The following BMPR1B variants were observed in gnomAD, a reference collection of about 807,000 sequenced individuals.
BMPR1B encodes bone morphogenetic protein receptor type 1B.
In BMPR1B, 12 loss-of-function variants were observed where a neutral mutation model predicts 59.1. That is an observed-to-expected ratio of 0.20 (90% CI 0.13 to 0.33). BMPR1B has a LOEUF of 0.33. BMPR1B is among the 10% of genes least tolerant of loss of function. BMPR1B has a pLI of 1.00. For missense variants in BMPR1B, 550 were observed against 610.9 expected (o/e 0.90, Z 1.05); for synonymous variants, 237 against 207.3 (o/e 1.14, Z -1.23).
chr4:94,887,704 A>C (rs1485968136), intron 2 of BMPR1B, among the ~76,000 whole-genome samples: 2 of 152,036 alleles, frequency 1.3e-5, no homozygotes, highest in Non-Finnish European at 2.9e-5. Context: ...GACCAAGAGG[A>C]TACAAATGAC....
At chr4:95,141,495 C>T (rs780411578) in intron 10 of BMPR1B, among the ~76,000 whole-genome samples, 6 of 152,154 alleles carry the variant, frequency 3.9e-5, no homozygotes, top group Non-Finnish European at 5.9e-5. Context: ...GAGAGATTTC[C>T]TGCTCATATA....
intron 2 of BMPR1B, among the ~76,000 whole-genome samples, chr4:94,943,402 G>T (rs1021258323): frequency 2.6e-5 from 4 of 152,144 alleles, no homozygotes. Context: ...GGGATTACAG[G>T]CGTGAGCCAC....
Position 94,789,823 on chromosome 4 carries a change from C to T in BMPR1B, c.-183+31755C>T, listed in dbSNP as rs1386603337. On this transcript the variant is annotated intron_variant, in intron 1 of 12. Transcript: ENST00000515059. ...GCTTATAAAAAATATACATTTGACC[C>T]TGGAACAACATGAGTTTAAACTGGA... Among the ~76,000 whole-genome samples, 10 of 151,950 alleles carry T rather than the reference C, an allele frequency of 6.6e-5. No individual in the cohort carries two copies. The East Asian group carries it at 1.5e-3, about 23-fold the overall frequency.
At chr4:94,966,635 C>T (rs1730566032) in intron 2 of BMPR1B, among the ~76,000 whole-genome samples, 1 of 152,176 alleles carries the variant, frequency 6.6e-6, no homozygotes, top group Non-Finnish European at 1.5e-5. Flanking sequence ...ATACTCAACT[C>T]TGTGGAAAAT....
intron 1 of BMPR1B, among the ~76,000 whole-genome samples, chr4:94,869,526 A>G (rs1233337542): frequency 6.6e-6 from 1 of 152,168 alleles, no homozygotes; most frequent in African/African-American, 2.4e-5. Flanking sequence ...TATCTTCAAT[A>G]TTCAGCTTTG....
At chr4:94,980,565 A>C (rs1731197963) in intron 2 of BMPR1B, among the ~76,000 whole-genome samples, 1 of 152,050 alleles carries the variant, frequency 6.6e-6, no homozygotes, top group South Asian at 2.1e-4. Context: ...AGATGTGTGC[A>C]TTAGGTGAAT....
intron 1 of BMPR1B, among the ~76,000 whole-genome samples, chr4:94,840,747 CCTT>C (rs1296047935): frequency 2.7e-5 from 4 of 148,380 alleles, no homozygotes; most frequent in Admixed American, 6.7e-5. Context: ...TCGTCTGAAG[CCTT>C]CTTCTCTCAA....
At chr4:94,871,136 G>T (rs767625419) in intron 1 of BMPR1B, among the ~76,000 whole-genome samples, 1 of 152,114 alleles carries the variant, frequency 6.6e-6, no homozygotes, top group Non-Finnish European at 1.5e-5. Flanking sequence ...TAAGCAGCTT[G>T]CCCGATGTCA....
intron 1 of BMPR1B, among the ~76,000 whole-genome samples, chr4:94,780,989 A>G (rs1002832803): frequency 5.9e-5 from 9 of 152,094 alleles, no homozygotes; most frequent in Middle Eastern, 3.4e-3. Context: ...CAGCCGGCCT[A>G]TTATCTGTCT....
intron 3 of BMPR1B, among the ~76,000 whole-genome samples, chr4:95,036,418 TTCA>T (rs1164254526): frequency 6.6e-6 from 1 of 152,104 alleles, no homozygotes; most frequent in Non-Finnish European, 1.5e-5. Flanking sequence ...GTCCACGAAG[TTCA>T]TCGTTTTAGT....
chr4:94,859,393 C>T (rs764379229), intron 1 of BMPR1B, among the ~76,000 whole-genome samples: 9 of 152,090 alleles, frequency 5.9e-5, no homozygotes, highest in African/African-American at 1.7e-4. Flanking sequence ...GATTACAGCA[C>T]GCAATACCCT....
chr4:95,057,516 C>A (rs1245433007), intron 3 of BMPR1B, among the ~76,000 whole-genome samples: 1 of 151,910 alleles, frequency 6.6e-6, no homozygotes, highest in Non-Finnish European at 1.5e-5. Context: ...AAGTGCTGCA[C>A]TTTTATTTTT....
intron 3 of BMPR1B, among the ~76,000 whole-genome samples, chr4:95,022,503 G>C (rs1419509643): frequency 6.6e-6 from 1 of 152,014 alleles, no homozygotes; most frequent in East Asian, 1.9e-4. Context: ...GTAGATGTTT[G>C]ATATTTGAAA....
At chr4:94,772,813 T>G (rs1347576794) in intron 1 of BMPR1B, among the ~76,000 whole-genome samples, 1 of 152,150 alleles carries the variant, frequency 6.6e-6, no homozygotes, top group African/African-American at 2.4e-5. Flanking sequence ...TTCTGCGACT[T>G]TGTGTATTCT....
rs758429876 is a variant in BMPR1B at position 95,129,940 on chromosome 4, A to G, written c.664A>G (p.Lys222Glu). 11 of 1,613,800 alleles carry G rather than the reference A, an allele frequency of 6.8e-6. No homozygotes were observed. The highest frequency in any genetic ancestry group is 9.3e-6 in the Non-Finnish European group (11 of 1,179,896). Residue 222 changes from lysine (K) to glutamate (E), a missense_variant, in exon 9 of 13, where the codon AAG becomes GAG. Physicochemically the swap from Lys to Glu is moderately conservative, Grantham distance 56 (BLOSUM62 1). Transcript: ENST00000515059. ...KGRYGEVWMG[K>E]WRGEKVAVKV... The stretch of plus-strand genomic sequence containing the variant: ...TCGCTATGGGGAAGTTTGGATGGGA[A>G]AGTGGCGTGGCGAAAAGGTAGCTGT...
chr4:94,761,572 CT>C lies in BMPR1B; in HGVS notation c.-183+3505del, dbSNP rs1463818010. 3.9e-5 allele frequency among the ~76,000 whole-genome samples: 6 copies of C among 151,990 alleles called. No individual in the cohort carries two copies. In the East Asian group the frequency reaches 1.2e-3, roughly 29 times the overall value. On this transcript the variant is annotated intron_variant, in intron 1 of 12. Transcript: ENST00000515059. ...ACTCCCAGAACAACTGCAAATTCAT[CT>C]GTTTTACATATCAGACTTCCTGGTA...
intron 2 of BMPR1B, among the ~76,000 whole-genome samples, chr4:94,878,734 C>CT (rs542970645): frequency 0.046 from 5,914 of 127,288 alleles, 290 homozygotes; most frequent in African/African-American, 0.12. Flanking sequence ...ACAGGTTCTG[C>CT]TTTTTTTTTT....
intron 1 of BMPR1B, among the ~76,000 whole-genome samples, chr4:94,764,976 T>C (rs143236487): frequency 6.6e-6 from 1 of 152,166 alleles, no homozygotes; most frequent in East Asian, 1.9e-4. Flanking sequence ...TTTAAAAAAA[T>C]AAACGGTGCA....
chr4:95,032,120 T>A (rs543796519), intron 3 of BMPR1B, among the ~76,000 whole-genome samples: 60 of 152,160 alleles, frequency 3.9e-4, no homozygotes, highest in Non-Finnish European at 3.1e-4. Context: ...CAACAGACGT[T>A]TATTTTTCAC....
Sources: gnomAD v4.1 joint callset for allele counts (sites outside exome capture counted in the v4.1 genomes callset) on GRCh38, gnomAD v4.1.1 for gene constraint, MANE v1.5 for transcripts, NCBI Gene and HGNC (gene_info 2026-07-23, HGNC 2026-07-21) for gene names.